PPP1R36: variants seen among roughly 807,000 people sequenced by gnomAD.
PPP1R36 encodes the protein protein phosphatase 1 regulatory subunit 36.
Under a neutral mutation model 53.4 loss-of-function variants are expected in PPP1R36, and 47 were observed. That is an observed-to-expected ratio of 0.88 (90% CI 0.70 to 1.12). The LOEUF is 1.12. Ranked by LOEUF, PPP1R36 falls within the 50% of genes most tolerant of loss-of-function variation. The pLI is 0.00. For missense variants in PPP1R36, 456 were observed against 513.9 expected (o/e 0.89, Z 1.09); for synonymous variants, 153 against 170.5 (o/e 0.90, Z 0.80).
At chr14:64,574,624 T>C in intron 8 of PPP1R36, 35 bp downstream of exon 8, 15 of 1,584,258 alleles carry the variant, frequency 9.5e-6, no homozygotes, top group Non-Finnish European at 1.3e-5. Context: ...AGATCATCAC[T>C]CCATCATAGA....
At chr14:64,554,727 T>C (rs1253885399) in intron 3 of PPP1R36, among the ~76,000 whole-genome samples, 1 of 151,978 alleles carries the variant, frequency 6.6e-6, no homozygotes, top group African/African-American at 2.4e-5. Flanking sequence ...AGATTAGAAC[T>C]AGCCAGACAA....
chr14:64,560,026 C>T (rs536537283), intron 3 of PPP1R36, among the ~76,000 whole-genome samples: 25 of 148,438 alleles, frequency 1.7e-4, no homozygotes, highest in Middle Eastern at 3.5e-3. Flanking sequence ...ATTGCTTGAA[C>T]CCAGGAGGCG....
At position 64,550,060 on chromosome 14, in the gene PPP1R36, G is replaced by C. The variant is rs919521255; in HGVS notation, c.63G>C (p.Leu21Phe). 6.4e-7 allele frequency: 1 copy of C among 1,563,758 alleles called. No individual in the cohort carries two copies. Residue 21 changes from leucine (L) to phenylalanine (F), a missense_variant, in exon 1 of 12, where the codon TTG (leucine) becomes TTC (phenylalanine). Leu to Phe is a conservative substitution (Grantham distance 22). Coordinates refer to ENST00000298705, the MANE Select transcript of PPP1R36 (RefSeq NM_172365.3). ...GGTTAGGTGGGCAGACCCCTTACTTGATGGATGTAAGTGCAGCCTTGGTCG... is the reference window on the plus strand; with the variant it reads ...GGTTAGGTGGGCAGACCCCTTACTTCATGGATGTAAGTGCAGCCTTGGTCG... ...RKRLGGQTPY[L>F]MDQLGLRLGM...
At chr14:64,588,544 G>A (rs2080455887) in intron 11 of PPP1R36, 1 of 322,608 alleles carries the variant, frequency 3.1e-6, no homozygotes, top group Non-Finnish European at 5.5e-6. Context: ...GTTTGGAGGA[G>A]TGAGTAACTG....
At position 64,588,179 on chromosome 14, in the gene PPP1R36, A is replaced by G. The variant is rs565260094; in HGVS notation, c.966A>G (p.Pro322=). 1.9e-5 allele frequency: 30 copies of G among 1,614,072 alleles called. No homozygotes were observed. The South Asian group carries it at 3.1e-4, about 17-fold the overall frequency. Residue 322 remains proline (P), a synonymous_variant, in exon 11 of 12, where the codon CCA becomes CCG. Transcript: ENST00000298705. ...CTCCAGTCATGTCTACTCTGCTGCC[A>G]TCTCTCAGAGAAAAAGCTCAAAACG... The part of the protein sequence containing the change: ...MRSPVMSTLL[P]SLREKAQNVF...
At chr14:64,554,645 AG>A (rs776757345) in intron 3 of PPP1R36, among the ~76,000 whole-genome samples, 73 of 152,274 alleles carry the variant, frequency 4.8e-4, no homozygotes, top group South Asian at 2.1e-3. Flanking sequence ...GGTTGAGAGT[AG>A]ACAGTGGTAG....
intron 7 of PPP1R36, among the ~76,000 whole-genome samples, chr14:64,572,588 T>C (rs2080311582): frequency 6.6e-6 from 1 of 152,186 alleles, no homozygotes; most frequent in Non-Finnish European, 1.5e-5. Flanking sequence ...TAGGGACCAC[T>C]TGCCTTGGAA....
intron 2 of PPP1R36, among the ~76,000 whole-genome samples, chr14:64,552,449 A>G (rs1208430067): frequency 6.6e-6 from 1 of 152,196 alleles, no homozygotes; most frequent in Non-Finnish European, 1.5e-5. Flanking sequence ...AGATTGAGCC[A>G]CTGCGCTCCA....
intron 11 of PPP1R36, among the ~76,000 whole-genome samples, chr14:64,588,906 AC>A (rs2080460425): frequency 6.6e-6 from 1 of 152,106 alleles, no homozygotes; most frequent in Admixed American, 6.6e-5. Context: ...TAGTAGAATC[AC>A]CTTTGAGAAA....
rs539487529 is a variant in PPP1R36 at position 64,580,236 on chromosome 14, G to A, written c.668+5647G>A. Among the ~76,000 whole-genome samples, 506 of 152,286 alleles carry A rather than the reference G, an allele frequency of 3.3e-3. 2 individuals are homozygous for A. The highest frequency in any genetic ancestry group is 5.0e-3 in the Non-Finnish European group (342 of 68,028). On this transcript the variant is annotated intron_variant, in intron 8 of 11. Coordinates refer to ENST00000298705, the MANE Select transcript of PPP1R36 (RefSeq NM_172365.3). ...GAACTGCTTGAGCCAGGGAGGTTGA[G>A]GCTGCAATGTGTCATGATTGTGCTA...
intron 8 of PPP1R36, among the ~76,000 whole-genome samples, chr14:64,584,246 G>A (rs184703231): frequency 2.0e-5 from 3 of 152,224 alleles, no homozygotes; most frequent in Non-Finnish European, 4.4e-5. Context: ...AGAAAGAAAA[G>A]GAAAGAAAGT....
chr14:64,581,621 T>C lies in PPP1R36; in HGVS notation c.669-5216T>C, dbSNP rs1406725542. ...AACTCAAGGCTTCCCTTTATTTCCA[T>C]GTTTGGGGGTGGGGGTGGGGTGGCA... On this transcript the variant is annotated intron_variant, in intron 8 of 11. Transcript: ENST00000298705. 5.3e-5 allele frequency among the ~76,000 whole-genome samples: 6 copies of C among 114,194 alleles called. No individual in the cohort carries two copies. In the Admixed American group the frequency reaches 7.0e-4, roughly 13 times the overall value. 74.9% of individuals were successfully genotyped at this position (114,194 alleles called of 152,430 possible). A position where few individuals can be genotyped will look rare whatever the true frequency, so the allele number is the denominator to read the frequency against.
rs75047901 is a variant in PPP1R36, at chr14:64,568,349, G to T, written c.435G>T (p.Arg145Ser). 3.7e-4 allele frequency: 515 copies of T among 1,382,414 alleles called. 6 individuals carry two copies. In the East Asian group the frequency reaches 0.011, roughly 29 times the overall value. 85.6% of individuals were successfully genotyped at this position (1,382,414 alleles called of 1,614,324 possible). Residue 145 changes from arginine (R) to serine (S), a missense_variant and splice_region_variant, in exon 7 of 12, where the codon AGG (arginine) becomes AGT (serine). Arg to Ser is a moderately radical substitution (Grantham distance 110, BLOSUM62 -1). Coordinates refer to ENST00000298705, the MANE Select transcript of PPP1R36 (RefSeq NM_172365.3). Reference sequence around the variant, plus strand: ...TTTGTTGTTTCAAATCTCCCCATAGGAATAAGAATCTTGATAATTTCCTCA... The same window carrying T: ...TTTGTTGTTTCAAATCTCCCCATAGTAATAAGAATCTTGATAATTTCCTCA... ...QRICSFTTFM[R>S]NKNLDNFLMA... is the part of the protein sequence containing the mutation.
chr14:64,563,117 C>T (rs1415794894), intron 3 of PPP1R36, among the ~76,000 whole-genome samples: 4 of 152,168 alleles, frequency 2.6e-5, no homozygotes, highest in Admixed American at 6.5e-5. Context: ...CTGCCTACCT[C>T]GGCCTCCCAA....
intron 3 of PPP1R36, among the ~76,000 whole-genome samples, chr14:64,557,870 G>C (rs2080169465): frequency 6.6e-6 from 1 of 152,146 alleles, no homozygotes; most frequent in South Asian, 2.1e-4. Context: ...ATAGCCAGGT[G>C]CAGTGGCAGG....
rs1365776339 is a variant in PPP1R36, at chr14:64,574,506, A to G, written c.585A>G (p.Ala195=). 6.2e-7 allele frequency: 1 copy of G among 1,614,094 alleles called. No homozygotes were observed. The highest frequency in any genetic ancestry group is 1.7e-5 in the Admixed American group (1 of 60,006). The change falls in exon 8 of 12, where the codon GCA becomes GCG. Residue 195 remains alanine, a synonymous_variant. Transcript: ENST00000298705. ...AATTGGTTTTAAGTGAATTAGAAGCAGCACAGAGGTACTTGGCGCAGAAGT... is the reference window on the plus strand; with the variant it reads ...AATTGGTTTTAAGTGAATTAGAAGCGGCACAGAGGTACTTGGCGCAGAAGT... The part of the protein sequence containing the change: ...EMELVLSELE[A]AQRYLAQKYC...
intron 3 of PPP1R36, among the ~76,000 whole-genome samples, chr14:64,554,157 T>TTTG (rs1414938103): frequency 1.4e-5 from 2 of 144,506 alleles, no homozygotes; most frequent in African/African-American, 5.2e-5. Flanking sequence ...TTTTTTTTTT[T>TTTG]TTTTTTTTTT....
chr14:64,575,654 GT>G (rs66467437), intron 8 of PPP1R36, among the ~76,000 whole-genome samples: 45,803 of 143,004 alleles, frequency 0.32, 7,193 homozygotes, highest in African/African-American at 0.4. Flanking sequence ...ACATTTTGGG[GT>G]TTTTTTTTTT....
chr14:64,567,213 A>G (rs2080266233), intron 6 of PPP1R36, among the ~76,000 whole-genome samples: 1 of 152,252 alleles, frequency 6.6e-6, no homozygotes, highest in South Asian at 2.1e-4. Flanking sequence ...GGCCACAAAG[A>G]AGGCAGCAAA....
Sources: allele counts gnomAD v4.1 joint callset (sites outside exome capture counted in the v4.1 genomes callset), GRCh38; gene constraint gnomAD v4.1.1; transcripts MANE v1.5; gene names NCBI Gene and HGNC (gene_info 2026-07-23, HGNC 2026-07-21).